Variants in EXOC6B observed in about 807,000 individuals in gnomAD.
EXOC6B encodes the protein SEC15 homolog B.
In EXOC6B, 54 loss-of-function variants were observed where a neutral mutation model predicts 113.5. The ratio of observed to expected loss-of-function variants is 0.48; its 90% confidence interval spans 0.38 to 0.60. The LOEUF (loss-of-function observed/expected upper bound fraction) is 0.60. EXOC6B is among the 20% of genes least tolerant of loss of function. The pLI, the probability that EXOC6B is intolerant of heterozygous loss-of-function variation, is 0.00. For missense variants in EXOC6B, 797 were observed against 977.5 expected (o/e 0.82, Z 2.46); for synonymous variants, 357 against 339.0 (o/e 1.05, Z -0.58).
intron 17 of EXOC6B, among the ~76,000 whole-genome samples, chr2:72,472,970 T>C (rs1337880145): frequency 3.9e-5 from 6 of 152,170 alleles, no homozygotes; most frequent in African/African-American, 1.4e-4. Flanking sequence ...TTAATTTCCA[T>C]GTATTTGTAT....
intron 1 of EXOC6B, among the ~76,000 whole-genome samples, chr2:72,774,084 A>G (rs989189637): frequency 1.3e-5 from 2 of 152,214 alleles, no homozygotes; most frequent in African/African-American, 4.8e-5. Flanking sequence ...GGTCATTTAA[A>G]AAATACTGAT....
chr2:72,680,716 G>A (rs1676639015), intron 6 of EXOC6B, among the ~76,000 whole-genome samples: 1 of 151,476 alleles, frequency 6.6e-6, no homozygotes, highest in African/African-American at 2.4e-5. Context: ...TACGGCGTGG[G>A]TGACAGAGCA....
rs536195055 is a variant in EXOC6B, at chr2:72,515,754, T to A, written c.916-628A>T. ...CTCATGAGCTGTGTACTGGGTTGAA[T>A]AGTGGTTTCTCCAAATTCATGTCCT... is the stretch of plus-strand genomic sequence containing the variant. On this transcript the variant is annotated intron_variant, in intron 8 of 21. Coordinates refer to ENST00000272427, the MANE Select transcript of EXOC6B (RefSeq NM_015189.3). 176 of 985,026 alleles carry A rather than the reference T, an allele frequency of 1.8e-4. 2 individuals carry two copies. In the African/African-American group the frequency reaches 2.6e-3, roughly 15 times the overall value. 61.0% of individuals were successfully genotyped at this position (985,026 alleles called of 1,614,324 possible).
At chr2:72,254,925 A>C (rs1170346355) in intron 20 of EXOC6B, among the ~76,000 whole-genome samples, 1 of 152,214 alleles carries the variant, frequency 6.6e-6, no homozygotes, top group African/African-American at 2.4e-5. Flanking sequence ...AAAAGAGATA[A>C]ATTGAAAAAG....
At chr2:72,374,631 A>G (rs1330696261) in intron 19 of EXOC6B, among the ~76,000 whole-genome samples, 2 of 151,970 alleles carry the variant, frequency 1.3e-5, no homozygotes, top group African/African-American at 4.8e-5. Context: ...TATTAGCACA[A>G]CAGGGTGGCA....
chr2:72,393,238 C>T (rs540157679), intron 18 of EXOC6B, among the ~76,000 whole-genome samples: 33 of 152,034 alleles, frequency 2.2e-4, no homozygotes, highest in African/African-American at 5.1e-4. Context: ...GGACTACAGG[C>T]GCATACCACC....
intron 6 of EXOC6B, among the ~76,000 whole-genome samples, chr2:72,692,354 CT>C (rs764598639): frequency 1.5e-3 from 205 of 141,148 alleles, no homozygotes; most frequent in Non-Finnish European, 1.5e-3. Flanking sequence ...TCACCATATT[CT>C]TTTTTTTTTT....
At chr2:72,325,611 G>T (rs954267801) in intron 20 of EXOC6B, among the ~76,000 whole-genome samples, 2 of 151,746 alleles carry the variant, frequency 1.3e-5, no homozygotes, top group African/African-American at 4.8e-5. Flanking sequence ...CATGGCCCAC[G>T]GTGCCTCTCA....
At chr2:72,266,502 T>A (rs1362867144) in intron 20 of EXOC6B, among the ~76,000 whole-genome samples, 1 of 152,010 alleles carries the variant, frequency 6.6e-6, no homozygotes, top group African/African-American at 2.4e-5. Context: ...CACCATTTGT[T>A]AAATAGGGAA....
At chr2:72,506,184 G>GA (rs150321973) in intron 11 of EXOC6B, among the ~76,000 whole-genome samples, 4,196 of 151,844 alleles carry the variant, frequency 0.028, 187 homozygotes, top group African/African-American at 0.096. Context: ...ATTGAGAAAA[G>GA]AAAAAAACAT....
At chr2:72,743,041 C>A (rs1681429998) in intron 1 of EXOC6B, among the ~76,000 whole-genome samples, 1 of 152,214 alleles carries the variant, frequency 6.6e-6, no homozygotes, top group Non-Finnish European at 1.5e-5. Flanking sequence ...GCACACTATA[C>A]AATTGCCCAA....
At chr2:72,631,471 G>T (rs1276529358) in intron 6 of EXOC6B, among the ~76,000 whole-genome samples, 93 of 3,530 alleles carry the variant, frequency 0.026, no homozygotes, top group Non-Finnish European at 0.029. Context: ...TAGAGAGAGA[G>T]AGAGAGAGAG....
At chr2:72,302,647 G>A (rs747932983) in intron 20 of EXOC6B, among the ~76,000 whole-genome samples, 1 of 151,992 alleles carries the variant, frequency 6.6e-6, no homozygotes, top group Non-Finnish European at 1.5e-5. Context: ...TAGGATTGCG[G>A]TGCCTGTTTT....
chr2:72,254,304 T>C (rs372920641), intron 20 of EXOC6B, among the ~76,000 whole-genome samples: 111 of 151,924 alleles, frequency 7.3e-4, no homozygotes, highest in African/African-American at 2.4e-3. Flanking sequence ...AGCAGAAGAG[T>C]AGAAGACATG....
chr2:72,299,293 A>C (rs918286560), intron 20 of EXOC6B, among the ~76,000 whole-genome samples: 1 of 151,442 alleles, frequency 6.6e-6, no homozygotes, highest in Non-Finnish European at 1.5e-5. Context: ...TGATACTTGT[A>C]TATGCTTCAC....
At chr2:72,434,635 A>G (rs1376388319) in intron 18 of EXOC6B, among the ~76,000 whole-genome samples, 1 of 152,046 alleles carries the variant, frequency 6.6e-6, no homozygotes, top group Non-Finnish European at 1.5e-5. Flanking sequence ...TAGTCTTGGG[A>G]GGTTGTATTT....
At chr2:72,347,917 A>C (rs1689427016) in intron 19 of EXOC6B, among the ~76,000 whole-genome samples, 1 of 152,194 alleles carries the variant, frequency 6.6e-6, no homozygotes. Flanking sequence ...AGCAATATGA[A>C]TTCTATTTTT....
chr2:72,718,210 G>A lies in EXOC6B; in HGVS notation c.562C>T (p.Pro188Ser), dbSNP rs769294966. 6.2e-7 allele frequency: 1 copy of A among 1,613,790 alleles called. No homozygotes were observed. Among genetic ancestry groups the A allele is most frequent in the Non-Finnish European group, 8.5e-7 (1 of 1,179,784 alleles). The change falls in exon 6 of 22, where the codon CCC becomes TCC. Residue 188 changes from proline to serine, a missense_variant. Physicochemically the swap from Pro to Ser is moderately conservative, Grantham distance 74 (BLOSUM62 -1). Coordinates refer to ENST00000272427, the MANE Select transcript of EXOC6B (RefSeq NM_015189.3). ...TCTTTTATTTCTTCTCGAAGCTTGGGGATGTTGTCCACCATCACCTTGCAG... is the reference window on the plus strand; with the variant it reads ...TCTTTTATTTCTTCTCGAAGCTTGGAGATGTTGTCCACCATCACCTTGCAG... ...RFCKVMVDNI[P>S]KLREEIKDVS...
intron 18 of EXOC6B, among the ~76,000 whole-genome samples, chr2:72,418,087 T>G (rs1319961717): frequency 4.6e-5 from 7 of 152,220 alleles, no homozygotes; most frequent in Admixed American, 4.6e-4. Context: ...AATTCTAAAC[T>G]GGTAAAATTT....
Sources: allele counts gnomAD v4.1 joint callset (sites outside exome capture counted in the v4.1 genomes callset), GRCh38; gene constraint gnomAD v4.1.1; transcripts MANE v1.5; gene names NCBI Gene and HGNC (gene_info 2026-07-23, HGNC 2026-07-21).